The following LINGO2 variants were observed in gnomAD, a reference collection of about 807,000 sequenced individuals.
The protein encoded by LINGO2 is leucine-rich repeat and immunoglobulin-like domain-containing nogo receptor-interacting protein 2.
In LINGO2, 14 loss-of-function variants were observed where a neutral mutation model predicts 30.6. The observed-to-expected ratio is 0.46, with a 90% CI of 0.30 to 0.72. The LOEUF (loss-of-function observed/expected upper bound fraction) is 0.72, where lower values mean the gene tolerates loss of function less well. Ranked by LOEUF, LINGO2 falls within the 30% of genes least tolerant of loss-of-function variation. LINGO2 has a pLI of 0.07. For synonymous variants in LINGO2, 317 were observed against 288.5 expected, an observed-to-expected ratio of 1.10 and a Z score of -1.00; for missense variants, 729 against 751.7, an observed-to-expected ratio of 0.97 and a Z score of 0.35.
At chr9:28,151,397 A>G (rs1247930598) in intron 4 of LINGO2, among the ~76,000 whole-genome samples, 2 of 151,948 alleles carry the variant, frequency 1.3e-5, no homozygotes, top group Non-Finnish European at 2.9e-5. Context: ...GTGAATTTAT[A>G]TTTATACATA....
chr9:28,638,103 G>T (rs1185607836), intron 1 of LINGO2, among the ~76,000 whole-genome samples: 2 of 152,166 alleles, frequency 1.3e-5, no homozygotes, highest in African/African-American at 4.8e-5. Flanking sequence ...CGTTGGTTCT[G>T]TATATATACT....
chr9:28,993,108 C>T, the LINGO2 span, among the ~76,000 whole-genome samples: 11 of 152,122 alleles, frequency 7.2e-5, no homozygotes, highest in African/African-American at 2.2e-4. Context: ...ACAAAATTGA[C>T]AGACCGCTAG....
intron 4 of LINGO2, among the ~76,000 whole-genome samples, chr9:28,175,288 A>G (rs528498525): frequency 5.3e-5 from 8 of 152,182 alleles, no homozygotes; most frequent in African/African-American, 1.9e-4. Context: ...AATGCAGGTG[A>G]TCTTCAAGAT....
chr9:28,041,813 G>A (rs1824208350), intron 4 of LINGO2, among the ~76,000 whole-genome samples: 1 of 152,006 alleles, frequency 6.6e-6, no homozygotes, highest in East Asian at 1.9e-4. Flanking sequence ...CAAATTTATA[G>A]TTATAATTAT....
chr9:28,170,493 G>T (rs927663394), intron 4 of LINGO2, among the ~76,000 whole-genome samples: 2 of 152,132 alleles, frequency 1.3e-5, no homozygotes, highest in African/African-American at 4.8e-5. Flanking sequence ...AGATTATAAG[G>T]GTGGTGGCTG....
intron 4 of LINGO2, among the ~76,000 whole-genome samples, chr9:28,210,068 A>G (rs1365022116): frequency 1.3e-5 from 2 of 151,788 alleles, no homozygotes; most frequent in Non-Finnish European, 1.5e-5. Flanking sequence ...CCCTTTAAAG[A>G]GGGAAACAAT....
chr9:28,696,997 T>C, the LINGO2 span, among the ~76,000 whole-genome samples: 1 of 152,074 alleles, frequency 6.6e-6, no homozygotes, highest in South Asian at 2.1e-4. Context: ...TGTTTATCTA[T>C]TTTTCAAGGG....
At chr9:28,348,871 A>AC (rs1444538077) in intron 3 of LINGO2, among the ~76,000 whole-genome samples, 1 of 151,448 alleles carries the variant, frequency 6.6e-6, no homozygotes, top group Non-Finnish European at 1.5e-5. Flanking sequence ...ACTGGGAGGC[A>AC]CCCCCCACCA....
chr9:28,202,569 G>A (rs566946740), intron 4 of LINGO2, among the ~76,000 whole-genome samples: 32 of 151,810 alleles, frequency 2.1e-4, no homozygotes, highest in Non-Finnish European at 3.1e-4. Context: ...CGTCCCCCCC[G>A]CCAGAAAGGA....
the LINGO2 span, among the ~76,000 whole-genome samples, chr9:29,196,709 T>C: frequency 2.2e-3 from 332 of 152,110 alleles, 1 homozygote; most frequent in African/African-American, 7.6e-3. Flanking sequence ...TAAAAAGCAA[T>C]GCAAAAGCTA....
chr9:28,720,534 A>G, the LINGO2 span, among the ~76,000 whole-genome samples: 6 of 152,202 alleles, frequency 3.9e-5, no homozygotes, highest in African/African-American at 1.4e-4. Flanking sequence ...CGGAATTCAT[A>G]TGTGTAAAAA....
chr9:28,841,742 G>T, the LINGO2 span, among the ~76,000 whole-genome samples: 1 of 151,642 alleles, frequency 6.6e-6, no homozygotes, highest in African/African-American at 2.4e-5. Flanking sequence ...AGTATTTAGG[G>T]TTACTGAGTA....
intron 1 of LINGO2, among the ~76,000 whole-genome samples, chr9:28,628,910 T>G (rs1365657686): frequency 1.3e-5 from 2 of 152,086 alleles, no homozygotes; most frequent in African/African-American, 4.8e-5. Flanking sequence ...CTCCTAAGAT[T>G]AGTGGATGAA....
chr9:29,190,750 A>G, the LINGO2 span, among the ~76,000 whole-genome samples: 2 of 152,228 alleles, frequency 1.3e-5, no homozygotes, highest in Non-Finnish European at 1.5e-5. Context: ...CAAAATTTCC[A>G]TATTATGAAA....
chr9:28,061,519 C>T (rs1825143527), intron 4 of LINGO2, among the ~76,000 whole-genome samples: 1 of 151,316 alleles, frequency 6.6e-6, no homozygotes, highest in African/African-American at 2.4e-5. Context: ...TTGTTTTAAG[C>T]CTTACACATG....
chr9:28,652,671 T>C (rs1239115627), intron 1 of LINGO2, among the ~76,000 whole-genome samples: 1 of 151,634 alleles, frequency 6.6e-6, no homozygotes, highest in Non-Finnish European at 1.5e-5. Context: ...GAGTTTGGTG[T>C]TTCCTTCTTA....
At chr9:28,937,702 G>T in the LINGO2 span, among the ~76,000 whole-genome samples, 1 of 152,172 alleles carries the variant, frequency 6.6e-6, no homozygotes, top group Non-Finnish European at 1.5e-5. Context: ...GAAGGAGACA[G>T]CCTTGCACCT....
intron 1 of LINGO2, among the ~76,000 whole-genome samples, chr9:28,639,399 T>G (rs1336944570): frequency 1.3e-5 from 2 of 152,166 alleles, no homozygotes; most frequent in African/African-American, 4.8e-5. Flanking sequence ...CTCATTGATC[T>G]GTCTAATGTT....
intron 3 of LINGO2, among the ~76,000 whole-genome samples, chr9:28,297,311 T>G (rs1344731849): frequency 6.6e-6 from 1 of 152,222 alleles, no homozygotes; most frequent in Non-Finnish European, 1.5e-5. Context: ...TTTGTGTATT[T>G]TCTTTTCAGC....
Sources: gnomAD v4.1 joint callset for allele counts (sites outside exome capture counted in the v4.1 genomes callset) on GRCh38, gnomAD v4.1.1 for gene constraint, MANE v1.5 for transcripts, NCBI Gene and HGNC (gene_info 2026-07-23, HGNC 2026-07-21) for gene names.